The following FAM167A variants were observed in gnomAD, a reference collection of about 807,000 sequenced individuals.
The protein encoded by FAM167A is family with sequence similarity 167 member A.
In FAM167A, 23 loss-of-function variants were observed where a neutral mutation model predicts 14.9. The observed-to-expected ratio is 1.55, with a 90% CI of 1.11 to 2.19. The LOEUF is 2.19. Ranked by LOEUF, FAM167A falls within the 30% of genes most tolerant of loss-of-function variation. FAM167A has a pLI of 0.00. For synonymous variants in FAM167A, 174 were observed against 117.7 expected, an observed-to-expected ratio of 1.48 and a Z score of -3.10; for missense variants, 401 against 281.5, an observed-to-expected ratio of 1.42 and a Z score of -3.04.
At chr8:11,466,784 T>TA (rs1275813767), upstream of FAM167A, 2 of 151,370 alleles carry the variant, frequency 1.3e-5, no homozygotes, top group Admixed American at 6.6e-5. Context: ...GGACTTTTTT[T>TA]TTCCCCCTGC....
chr8:11,458,936 C>T (rs537938743), intron 1 of FAM167A, among the ~76,000 whole-genome samples: 2 of 152,262 alleles, frequency 1.3e-5, no homozygotes, highest in Admixed American at 6.5e-5. Context: ...ACTGCCCACA[C>T]TAGCCTGGGC....
intron 1 of FAM167A, among the ~76,000 whole-genome samples, chr8:11,474,359 T>A (rs910143241): frequency 7.2e-5 from 11 of 152,226 alleles, no homozygotes; most frequent in Admixed American, 2.0e-4. Flanking sequence ...GTAGCCCTGT[T>A]TGGAACCTGA....
intron 1 of FAM167A, chr8:11,474,807 G>C (rs1797816808): frequency 6.6e-6 from 1 of 152,446 alleles, no homozygotes; most frequent in Non-Finnish European, 1.5e-5. Context: ...AGGAGAAAGG[G>C]AGAGGAAAAG....
At position 11,423,224 on chromosome 8, in the gene FAM167A, C is replaced by A. The variant is rs1328217572; in HGVS notation, c.*1149G>T. On this transcript the variant is annotated 3_prime_UTR_variant, in exon 3 of 3. Coordinates refer to ENST00000284486, the MANE Select transcript of FAM167A (RefSeq NM_053279.3). ...GGGACCCCTGCCATGCCGTATGACC[C>A]CAGACTGACCTCCCTAACCTGCTGG... is the stretch of plus-strand genomic sequence containing the variant. 6.6e-6 allele frequency: 1 copy of A among 152,262 alleles called. No individual in the cohort carries two copies. The highest frequency in any genetic ancestry group is 1.9e-4 in the East Asian group (1 of 5,200). The allele number at this position is 152,262 out of a possible 1,614,324, so 9.4% of individuals were successfully genotyped here. A position where few individuals can be genotyped will look rare whatever the true frequency, so the allele number is the denominator to read the frequency against.
At chr8:11,429,279 T>C (rs1216086653) in intron 2 of FAM167A, among the ~76,000 whole-genome samples, 1 of 152,222 alleles carries the variant, frequency 6.6e-6, no homozygotes, top group Non-Finnish European at 1.5e-5. Context: ...GCTAAGAAGC[T>C]TTTTATAAAT....
At chr8:11,442,553 G>T (rs114171760) in intron 2 of FAM167A, among the ~76,000 whole-genome samples, 318 of 152,288 alleles carry the variant, frequency 2.1e-3, no homozygotes, top group African/African-American at 7.5e-3. Context: ...CCAACAAATA[G>T]TATCTTTGAT....
chr8:11,433,884 A>C (rs567274859), intron 2 of FAM167A: 7 of 152,220 alleles, frequency 4.6e-5, no homozygotes, highest in Non-Finnish European at 8.8e-5. Context: ...CAATTTGTGT[A>C]ATCTCTTTCC....
rs758698965 is a variant in FAM167A at position 11,444,063 on chromosome 8, C to T, written c.349G>A (p.Asp117Asn). 4.3e-6 allele frequency: 7 copies of T among 1,613,338 alleles called. No homozygotes were observed. The Admixed American group carries it at 8.3e-5, about 19-fold the overall frequency. The change falls in exon 2 of 3, where the codon GAT becomes AAT. Residue 117 changes from aspartate to asparagine, a missense_variant. Asp to Asn is a conservative substitution (Grantham distance 23, BLOSUM62 1). Coordinates refer to ENST00000284486, the MANE Select transcript of FAM167A (RefSeq NM_053279.3). ...TGKLEGFQSI[D>N]EAIAWLRKEL... is the part of the protein sequence containing the mutation. The stretch of plus-strand genomic sequence containing the variant: ...TTCCTGAGCCAGGCTATAGCTTCAT[C>T]GATGCTCTGAAAGCCTTCCAGCTTG...
chr8:11,422,810 GTAGACCATGGGACAGTGAT>G lies in FAM167A; in HGVS notation c.*1544_*1562del, dbSNP rs1178932405. ...TAGACAGAGCAGCCAGATGCCGTGC[GTAGACCATGGGACAGTGAT>G]TAGTGACACATGCCCTGTGGGGCCA... On this transcript the variant is annotated 3_prime_UTR_variant, in exon 3 of 3. Transcript: ENST00000284486. 2.0e-5 allele frequency: 3 copies of G among 152,508 alleles called. No individual in the cohort carries two copies. The East Asian group carries it at 5.8e-4, about 29-fold the overall frequency. 9.4% of individuals were successfully genotyped at this position (152,508 alleles called of 1,614,324 possible).
intron 1 of FAM167A, among the ~76,000 whole-genome samples, chr8:11,454,494 G>A (rs993525792): frequency 3.9e-5 from 6 of 152,226 alleles, no homozygotes; most frequent in African/African-American, 1.4e-4. Flanking sequence ...CAAAGGCAGG[G>A]GCCATGAGCT....
At chr8:11,467,121 C>A (rs753243626), upstream of FAM167A, among the ~76,000 whole-genome samples, 5 of 152,270 alleles carry the variant, frequency 3.3e-5, no homozygotes, top group Non-Finnish European at 5.9e-5. Flanking sequence ...GCCTCACCCA[C>A]CCCCAAACGG....
intron 1 of FAM167A, chr8:11,445,514 A>C (rs916762811): frequency 1.0e-6 from 1 of 985,496 alleles, no homozygotes; most frequent in African/African-American, 1.7e-5. Flanking sequence ...GCAGGCTGTG[A>C]CTCATTGTTC....
intron 1 of FAM167A, among the ~76,000 whole-genome samples, chr8:11,448,149 G>A (rs897971845): frequency 8.0e-5 from 12 of 150,328 alleles, no homozygotes; most frequent in South Asian, 4.2e-4. Flanking sequence ...AGCCAAGATC[G>A]CACTACTGCA....
chr8:11,461,968 G>A (rs901471601), intron 1 of FAM167A, among the ~76,000 whole-genome samples: 3 of 152,314 alleles, frequency 2.0e-5, no homozygotes, highest in East Asian at 1.9e-4. Flanking sequence ...GTGTTTGGAC[G>A]CAGTGGGGTC....
chr8:11,447,579 A>G (rs1806839353), intron 1 of FAM167A, among the ~76,000 whole-genome samples: 1 of 152,212 alleles, frequency 6.6e-6, no homozygotes, highest in Non-Finnish European at 1.5e-5. Context: ...AGTAGCCCCC[A>G]GAGGCAGGCG....
chr8:11,426,530 C>CTT (rs2037026070), intron 2 of FAM167A, among the ~76,000 whole-genome samples: 1 of 152,210 alleles, frequency 6.6e-6, no homozygotes, highest in African/African-American at 2.4e-5. Flanking sequence ...CCAAAAGTGT[C>CTT]TGAGACAGGT....
intron 2 of FAM167A, chr8:11,434,904 G>A (rs542721282): frequency 2.0e-5 from 8 of 399,086 alleles, no homozygotes; most frequent in Non-Finnish European, 3.1e-5. Context: ...GAGAGAGTGG[G>A]AGAGATGTGA....
intron 2 of FAM167A, among the ~76,000 whole-genome samples, chr8:11,430,106 G>A (rs1585232803): frequency 6.6e-6 from 1 of 152,304 alleles, no homozygotes; most frequent in Non-Finnish European, 1.5e-5. Flanking sequence ...TCTGGCAAAG[G>A]CTCTACCATA....
intron 1 of FAM167A, among the ~76,000 whole-genome samples, chr8:11,456,209 CTG>C (rs1402447981): frequency 0.016 from 1 of 64 alleles, no homozygotes; most frequent in Non-Finnish European, 0.036. Context: ...GGTTGCCTTG[CTG>C]TGTGAGTGTG....
Sources: allele counts gnomAD v4.1 joint callset (sites outside exome capture counted in the v4.1 genomes callset), GRCh38; gene constraint gnomAD v4.1.1; transcripts MANE v1.5; gene names NCBI Gene and HGNC (gene_info 2026-07-23, HGNC 2026-07-21).